The following SDAD1 variants were observed in gnomAD, a reference collection of about 807,000 sequenced individuals.
The protein encoded by SDAD1 is protein SDA1 homolog.
Under a neutral mutation model 100.3 loss-of-function variants are expected in SDAD1, and 79 were observed. The observed-to-expected ratio is 0.79, with a 90% CI of 0.66 to 0.95. The LOEUF (loss-of-function observed/expected upper bound fraction) is 0.95, where lower values mean the gene tolerates loss of function less well. SDAD1 is among the 40% of genes least tolerant of loss of function. The pLI is 0.00. For missense variants in SDAD1, 790 were observed against 810.9 expected (o/e 0.97, Z 0.31); for synonymous variants, 267 against 271.4 (o/e 0.98, Z 0.16).
intron 20 of SDAD1, 54 bp downstream of exon 20, chr4:75,957,271 G>T: frequency 1.4e-6 from 2 of 1,478,572 alleles, no homozygotes; most frequent in Non-Finnish European, 1.9e-6. Context: ...TCTGGCTTAT[G>T]TTTCATTTTA....
chr4:75,952,793 C>T (rs1328479857), intron 21 of SDAD1, among the ~76,000 whole-genome samples: 3 of 152,250 alleles, frequency 2.0e-5, no homozygotes, highest in South Asian at 4.1e-4. Flanking sequence ...GCAGTGTTAA[C>T]GACATGCTGA....
chr4:75,967,080 T>TA (rs1453633535), intron 12 of SDAD1, among the ~76,000 whole-genome samples, 197 bp downstream of exon 12: 1 of 152,302 alleles, frequency 6.6e-6, no homozygotes, highest in Admixed American at 6.5e-5. Flanking sequence ...GTTGTTGTTT[T>TA]AAAAAAACAA....
At position 75,990,825 on chromosome 4, in the gene SDAD1, T is replaced by A; in HGVS notation, c.17A>T (p.Asn6Ile). 1 of 1,614,112 alleles carries A rather than the reference T, an allele frequency of 6.2e-7. No homozygotes were observed. Reference sequence around the variant, plus strand: ...CGGCAGGTTGCTGGGAAGCTTGTTGTTGTTTCTGTTGGACATTTTGGCTGC... The same window carrying A: ...CGGCAGGTTGCTGGGAAGCTTGTTGATGTTTCTGTTGGACATTTTGGCTGC... MSNRN[N>I]NKLPSNLPQL... Residue 6 changes from asparagine (N) to isoleucine (I), a missense_variant, in exon 1 of 22, where the codon AAC (asparagine) becomes ATC (isoleucine). Physicochemically the swap from Asn to Ile is moderately radical, Grantham distance 149. Coordinates refer to ENST00000356260, the MANE Select transcript of SDAD1 (RefSeq NM_018115.4).
chr4:75,981,032 G>A, intron 3 of SDAD1: 1 of 192,350 alleles, frequency 5.2e-6, no homozygotes, highest in South Asian at 1.2e-4. Flanking sequence ...ATGCATATGA[G>A]ATTTGAATGA....
intron 4 of SDAD1, 75 bp downstream of exon 4, chr4:75,977,571 T>C: frequency 1.1e-6 from 1 of 892,822 alleles, no homozygotes; most frequent in East Asian, 2.4e-5. Flanking sequence ...ATGTAAAGCA[T>C]CGATAATTCA....
intron 1 of SDAD1, among the ~76,000 whole-genome samples, chr4:75,986,125 T>A (rs1483499499): frequency 1.3e-5 from 2 of 152,172 alleles, no homozygotes; most frequent in Non-Finnish European, 2.9e-5. Flanking sequence ...TTTTTCATTT[T>A]AATTTTTTTT....
chr4:75,954,651 G>A (rs1224532194), intron 21 of SDAD1, among the ~76,000 whole-genome samples: 1 of 152,126 alleles, frequency 6.6e-6, no homozygotes, highest in African/African-American at 2.4e-5. Flanking sequence ...CCTCATTATT[G>A]TAAATACAAA....
intron 4 of SDAD1, among the ~76,000 whole-genome samples, chr4:75,977,181 CAA>C (rs1242990769): frequency 6.6e-6 from 1 of 152,118 alleles, no homozygotes; most frequent in Non-Finnish European, 1.5e-5. Context: ...TTAATAACAA[CAA>C]AAAAGTTTTT....
At chr4:75,958,384 G>A (rs143671986) in intron 17 of SDAD1, among the ~76,000 whole-genome samples, 45 of 152,230 alleles carry the variant, frequency 3.0e-4, no homozygotes, top group African/African-American at 1.0e-3. Flanking sequence ...TGTCCTATGC[G>A]TGTTACCCAC....
At chr4:75,977,974 AAT>A (rs1491071039) in intron 3 of SDAD1, among the ~76,000 whole-genome samples, 1 of 152,150 alleles carries the variant, frequency 6.6e-6, no homozygotes, top group Non-Finnish European at 1.5e-5. Context: ...GATCTAAGAA[AAT>A]AAGTGTCATG....
chr4:75,953,466 A>G (rs1381660218), intron 21 of SDAD1, among the ~76,000 whole-genome samples: 1 of 152,244 alleles, frequency 6.6e-6, no homozygotes, highest in African/African-American at 2.4e-5. Flanking sequence ...CAATCCTATT[A>G]TAATTTTAGG....
In SDAD1 at chr4:75,956,263, C is replaced by T. The variant is rs564114901; in HGVS notation, c.1855-127G>A. ...CCAAGGGCACAGAATGGACAGGACACAGTCTTTGCTCCTTGGGACCAAGAA... is the reference window on the plus strand; with the variant it reads ...CCAAGGGCACAGAATGGACAGGACATAGTCTTTGCTCCTTGGGACCAAGAA... On this transcript the variant is annotated intron_variant, in intron 20 of 21. Transcript: ENST00000356260. The T allele has an allele frequency of 8.2e-5, 78 of 951,720 alleles. No individual in the cohort carries two copies. The African/African-American group carries it at 1.1e-3, about 14-fold the overall frequency. 59.0% of individuals were successfully genotyped at this position (951,720 alleles called of 1,614,324 possible).
At chr4:75,990,546 C>T in intron 1 of SDAD1, 1 of 1,054,716 alleles carries the variant, frequency 9.5e-7, no homozygotes, top group Non-Finnish European at 1.4e-6. Context: ...GTAGAAAATC[C>T]AAAGGGGCAA....
chr4:75,975,268 G>A (rs1051987037), intron 6 of SDAD1, among the ~76,000 whole-genome samples: 2 of 152,088 alleles, frequency 1.3e-5, no homozygotes, highest in Non-Finnish European at 2.9e-5. Flanking sequence ...CAAAAGAAAT[G>A]AGTTAGGGAC....
chr4:75,982,063 G>A (rs769744577), intron 1 of SDAD1, 26 bp from the exon 2 acceptor site: 2 of 1,435,202 alleles, frequency 1.4e-6, no homozygotes, highest in South Asian at 1.2e-5. Flanking sequence ...ATTTAAGTTT[G>A]TCACATTGTA....
intron 11 of SDAD1, 66 bp downstream of exon 11, chr4:75,969,226 ATGGC>A (rs768019105): frequency 1.6e-5 from 20 of 1,224,664 alleles, no homozygotes; most frequent in Non-Finnish European, 2.2e-5. Flanking sequence ...GCTCTACCTA[ATGGC>A]TTTTCTTTTA....
Position 75,960,153 on chromosome 4 carries a change from C to A in SDAD1, c.1396G>T (p.Glu466Ter). The A allele has an allele frequency of 6.2e-7, 1 of 1,610,692 alleles. No homozygotes were observed. The highest frequency in any genetic ancestry group is 8.5e-7 in the Non-Finnish European group (1 of 1,178,888). ...TCTTTAGCATCTAATTCTCCATATT[C>A]TTGTACTCTTGCTTCTATGGAGGCC... ...TEASIEARVQ[E>*]YGELDAKDYI... Residue 466 changes from glutamate to a stop codon, truncating the protein, a stop_gained, in exon 17 of 22, where the codon GAA (glutamate) becomes TAA (stop). Coordinates refer to ENST00000356260, the MANE Select transcript of SDAD1 (RefSeq NM_018115.4). LOFTEE classifies it high-confidence loss of function.
rs1730504590 is a variant in SDAD1, at chr4:75,981,421, T to G, written c.245A>C (p.Lys82Thr). 1 of 1,613,766 alleles carries G rather than the reference T, an allele frequency of 6.2e-7. No homozygotes were observed. The highest frequency in any genetic ancestry group is 1.3e-5 in the African/African-American group (1 of 74,922). The stretch of plus-strand genomic sequence containing the variant: ...GGTATGATTGCAGGAGAGAAGATCT[T>G]TCACCTCTTGAGGAAAATTACTTAG... Reference protein sequence around the residue: ...EYLSNFPQEVKDLLSCNHTVL... With the variant: ...EYLSNFPQEVTDLLSCNHTVL... Residue 82 changes from lysine to threonine, a missense_variant, in exon 3 of 22, where the codon AAA becomes ACA. By Grantham distance (78) the Lys-to-Thr change is moderately conservative. Coordinates refer to ENST00000356260, the MANE Select transcript of SDAD1 (RefSeq NM_018115.4).
At chr4:75,979,683 G>A (rs554573117) in intron 3 of SDAD1, among the ~76,000 whole-genome samples, 12 of 152,086 alleles carry the variant, frequency 7.9e-5, no homozygotes, top group Admixed American at 7.2e-4. Flanking sequence ...TCGAACTCCC[G>A]ACCTCAGGTG....
Sources: gnomAD v4.1 joint callset for allele counts (sites outside exome capture counted in the v4.1 genomes callset) on GRCh38, gnomAD v4.1.1 for gene constraint, MANE v1.5 for transcripts, NCBI Gene and HGNC (gene_info 2026-07-23, HGNC 2026-07-21) for gene names.